RARB: variants seen among roughly 807,000 people sequenced by gnomAD.
RARB encodes the protein retinoic acid receptor beta, also known as HBV-activated protein.
Under a neutral mutation model 51.9 loss-of-function variants are expected in RARB, and 17 were observed. The ratio of observed to expected loss-of-function variants is 0.33; its 90% CI spans 0.22 to 0.49. The LOEUF is 0.49. RARB is among the 20% of genes least tolerant of loss of function. The pLI is 0.99. For synonymous variants in RARB, 215 were observed against 195.4 expected (o/e 1.10, Z -0.84); for missense variants, 369 against 550.8 (o/e 0.67, Z 3.30).
At chr3:25,049,937 C>T (rs551650781) in intron 2 of RARB, among the ~76,000 whole-genome samples, 95 of 152,156 alleles carry the variant, frequency 6.2e-4, no homozygotes, top group Middle Eastern at 3.4e-3. Flanking sequence ...GACACGTAGA[C>T]GGGTAGTTTG....
chr3:24,945,610 A>AT (rs1392519719), intron 2 of RARB, among the ~76,000 whole-genome samples: 1 of 152,222 alleles, frequency 6.6e-6, no homozygotes, highest in Non-Finnish European at 1.5e-5. Flanking sequence ...ACTTCTTTGA[A>AT]TGAACGTATT....
At chr3:24,861,533 G>T (rs1418217494) in intron 2 of RARB, among the ~76,000 whole-genome samples, 1 of 147,402 alleles carries the variant, frequency 6.8e-6, no homozygotes, top group Non-Finnish European at 1.5e-5. Context: ...GGAACTAAGA[G>T]AATGATTTAC....
At chr3:25,345,987 G>C (rs564235487) in intron 5 of RARB, 1 of 612,546 alleles carries the variant, frequency 1.6e-6, no homozygotes, top group Non-Finnish European at 2.0e-6. Context: ...GGCTGGCTCC[G>C]ATGAGTAGTT....
intron 2 of RARB, among the ~76,000 whole-genome samples, chr3:24,896,645 T>G (rs1228234747): frequency 1.3e-5 from 2 of 152,214 alleles, no homozygotes; most frequent in Admixed American, 6.5e-5. Flanking sequence ...TTAATGCCAC[T>G]GAACTGTATG....
chr3:25,451,677 A>C (rs140156342), intron 1 of RARB, among the ~76,000 whole-genome samples: 1 of 152,216 alleles, frequency 6.6e-6, no homozygotes, highest in Admixed American at 6.5e-5. Flanking sequence ...GTGACAAAGC[A>C]TAATTTCATT....
At chr3:25,210,814 C>CATG (rs1701678291) in intron 5 of RARB, among the ~76,000 whole-genome samples, 1 of 151,994 alleles carries the variant, frequency 6.6e-6, no homozygotes, top group African/African-American at 2.4e-5. Context: ...GGATTACAGG[C>CATG]ATGAGCCACC....
At chr3:25,152,929 A>C (rs1444392141) in intron 4 of RARB, among the ~76,000 whole-genome samples, 1 of 152,242 alleles carries the variant, frequency 6.6e-6, no homozygotes, top group African/African-American at 2.4e-5. Flanking sequence ...GGTGGACTGC[A>C]GTGTTTGATA....
intron 2 of RARB, among the ~76,000 whole-genome samples, chr3:24,867,246 G>T (rs559203439): frequency 6.6e-6 from 1 of 152,224 alleles, no homozygotes; most frequent in African/African-American, 2.4e-5. Flanking sequence ...TTAAGTTTTG[G>T]GGAGGGGCTA....
chr3:25,310,494 T>C (rs1210807128), intron 5 of RARB, among the ~76,000 whole-genome samples: 3 of 152,204 alleles, frequency 2.0e-5, no homozygotes, highest in African/African-American at 2.4e-5. Flanking sequence ...GGACATTTCA[T>C]GTAGTAACCA....
At chr3:25,195,897 G>C (rs1701221583) in intron 5 of RARB, among the ~76,000 whole-genome samples, 1 of 151,810 alleles carries the variant, frequency 6.6e-6, no homozygotes, top group Non-Finnish European at 1.5e-5. Flanking sequence ...TAATTTCCTG[G>C]AATCAATGTT....
intron 2 of RARB, among the ~76,000 whole-genome samples, chr3:25,022,484 T>C (rs1697658469): frequency 6.6e-6 from 1 of 152,218 alleles, no homozygotes; most frequent in Non-Finnish European, 1.5e-5. Context: ...TTCTAATTTT[T>C]TAAATTTTTC....
intron 5 of RARB, among the ~76,000 whole-genome samples, chr3:25,187,593 CT>C (rs1701007850): frequency 6.6e-6 from 1 of 151,788 alleles, no homozygotes; most frequent in African/African-American, 2.4e-5. Flanking sequence ...AATAAAAATA[CT>C]TTTAATCTTT....
rs186871448 is a variant in RARB, at chr3:25,335,834, C to G, written c.179-125359C>G. Among the ~76,000 whole-genome samples the G allele has an allele frequency of 3.9e-5, 6 of 152,206 alleles. No homozygotes were observed. The East Asian group carries it at 9.6e-4, about 24-fold the overall frequency. On this transcript the variant is annotated intron_variant, in intron 5 of 11. Transcript: ENST00000383772. The stretch of plus-strand genomic sequence containing the variant: ...TTTTGTCACCTATGTGGCCAGGGAA[C>G]AGTCCACAGGAAAATACAGGAGAAC...
At chr3:25,212,704 A>G (rs1001703321) in intron 5 of RARB, among the ~76,000 whole-genome samples, 2 of 152,170 alleles carry the variant, frequency 1.3e-5, no homozygotes, top group African/African-American at 2.4e-5. Flanking sequence ...TCACCTATCA[A>G]ATTATCTCTC....
At chr3:24,949,734 TA>T (rs1224793514) in intron 2 of RARB, among the ~76,000 whole-genome samples, 1 of 152,218 alleles carries the variant, frequency 6.6e-6, no homozygotes, top group Non-Finnish European at 1.5e-5. Flanking sequence ...TGCCGGACAT[TA>T]CGCTACAGTC....
chr3:25,128,469 T>C (rs901221024), intron 3 of RARB, among the ~76,000 whole-genome samples: 1 of 148,562 alleles, frequency 6.7e-6, no homozygotes, highest in Non-Finnish European at 1.5e-5. Flanking sequence ...GTATACTATA[T>C]ACTAGAAATA....
intron 5 of RARB, among the ~76,000 whole-genome samples, chr3:25,320,245 G>A (rs752342523): frequency 6.6e-6 from 1 of 151,962 alleles, no homozygotes; most frequent in Non-Finnish European, 1.5e-5. Context: ...GAATATTAGG[G>A]CATTTTCTTT....
intron 2 of RARB, among the ~76,000 whole-genome samples, chr3:24,872,412 C>A (rs1337442783): frequency 6.6e-6 from 1 of 152,104 alleles, no homozygotes; most frequent in African/African-American, 2.4e-5. Flanking sequence ...TTTTACCTTG[C>A]TATAAAGGAA....
chr3:25,104,956 T>A (rs1267652171), intron 3 of RARB, among the ~76,000 whole-genome samples: 3 of 152,190 alleles, frequency 2.0e-5, no homozygotes, highest in African/African-American at 7.2e-5. Flanking sequence ...CATGTTCTAT[T>A]TCTAAATCTG....
Sources: gnomAD v4.1 joint callset for allele counts (sites outside exome capture counted in the v4.1 genomes callset) on GRCh38, gnomAD v4.1.1 for gene constraint, MANE v1.5 for transcripts, NCBI Gene and HGNC (gene_info 2026-07-23, HGNC 2026-07-21) for gene names.